ATRNL1: variants seen among roughly 807,000 people sequenced by gnomAD.
ATRNL1 encodes attractin-like protein 1.
A neutral mutation model predicts 182.7 loss-of-function variants in ATRNL1; 95 were observed. That is an observed-to-expected ratio of 0.52 (90% CI 0.44 to 0.62). ATRNL1 has a LOEUF of 0.62. Ranked by LOEUF, ATRNL1 falls within the 20% of genes least tolerant of loss-of-function variation. ATRNL1 has a pLI of 0.00. For missense variants in ATRNL1, 1,471 were observed against 1,679.5 expected, an observed-to-expected ratio of 0.88 and a Z score of 2.17; for synonymous variants, 576 against 568.3, an observed-to-expected ratio of 1.01 and a Z score of -0.19.
At chr10:115,811,975 C>T (rs2134258687) in intron 27 of ATRNL1, among the ~76,000 whole-genome samples, 2 of 152,084 alleles carry the variant, frequency 1.3e-5, no homozygotes, top group Middle Eastern at 6.8e-3. Flanking sequence ...TGTGTATATA[C>T]CTATTTTTAA....
In ATRNL1 at chr10:115,129,347, A is replaced by G. The variant is rs1042251614; in HGVS notation, c.641A>G (p.Asn214Ser). The change falls in exon 5 of 29, where the codon AAT becomes AGT. Residue 214 changes from asparagine to serine, a missense_variant. Coordinates refer to ENST00000355044, the MANE Select transcript of ATRNL1 (RefSeq NM_207303.4). ...TACAGAATCAATTCTTGTCCTAACA[A>G]TTGCTCTGGTCATGGGAAGTGTACA... Reference protein sequence around the residue: ...IFYSINSCPNNCSGHGKCTTS... With the variant: ...IFYSINSCPNSCSGHGKCTTS... The G allele has an allele frequency of 1.9e-6, 3 of 1,612,774 alleles. No homozygotes were observed. Among genetic ancestry groups the G allele is most frequent in the African/African-American group, 1.3e-5 (1 of 74,902 alleles).
intron 9 of ATRNL1, among the ~76,000 whole-genome samples, chr10:115,216,767 T>G (rs1392079498): frequency 6.6e-6 from 1 of 151,942 alleles, no homozygotes; most frequent in Non-Finnish European, 1.5e-5. Context: ...ATACACAGGT[T>G]TCCATCAAAT....
chr10:115,401,438 A>G (rs1844559673), intron 20 of ATRNL1, among the ~76,000 whole-genome samples: 1 of 152,086 alleles, frequency 6.6e-6, no homozygotes, highest in Admixed American at 6.6e-5. Context: ...TTCATTCTGG[A>G]CCCAGTCAAG....
intron 24 of ATRNL1, among the ~76,000 whole-genome samples, chr10:115,516,778 A>G (rs118189483): frequency 0.012 from 1,777 of 151,972 alleles, 20 homozygotes; most frequent in Non-Finnish European, 0.018. Context: ...ACCTCTACCA[A>G]CAGATATTTG....
chr10:115,403,424 A>T (rs782246041), intron 20 of ATRNL1, among the ~76,000 whole-genome samples: 1 of 152,040 alleles, frequency 6.6e-6, no homozygotes, highest in Non-Finnish European at 1.5e-5. Context: ...ATAAGTAACT[A>T]GTGACTATGG....
intron 28 of ATRNL1, among the ~76,000 whole-genome samples, chr10:115,915,232 C>T (rs1221056056): frequency 6.6e-6 from 1 of 151,986 alleles, no homozygotes; most frequent in Non-Finnish European, 1.5e-5. Context: ...CCCGTCTCTA[C>T]TAAAAATACA....
At chr10:115,445,601 A>G (rs1160049859) in intron 21 of ATRNL1, among the ~76,000 whole-genome samples, 1 of 151,176 alleles carries the variant, frequency 6.6e-6, no homozygotes, top group Non-Finnish European at 1.5e-5. Flanking sequence ...TTTTTTAACA[A>G]TAACTTCATA....
intron 26 of ATRNL1, among the ~76,000 whole-genome samples, chr10:115,636,379 G>A (rs782172061): frequency 1.1e-4 from 16 of 152,126 alleles, no homozygotes; most frequent in Non-Finnish European, 1.5e-4. Flanking sequence ...TTCTTCCCAG[G>A]TAACACCAGT....
At chr10:115,666,349 G>A (rs1374376649) in intron 26 of ATRNL1, among the ~76,000 whole-genome samples, 1 of 152,036 alleles carries the variant, frequency 6.6e-6, no homozygotes, top group Non-Finnish European at 1.5e-5. Flanking sequence ...GCTTTTATGT[G>A]TTTGTTTATG....
At chr10:115,631,851 G>A (rs137943027) in intron 26 of ATRNL1, among the ~76,000 whole-genome samples, 299 of 152,164 alleles carry the variant, frequency 2.0e-3, no homozygotes, top group African/African-American at 6.8e-3. Flanking sequence ...CTAGGACTGA[G>A]CTGTGAATAG....
At chr10:115,311,543 TCTTG>T (rs576042542) in intron 17 of ATRNL1, among the ~76,000 whole-genome samples, 3,460 of 152,306 alleles carry the variant, frequency 0.023, 48 homozygotes, top group South Asian at 0.036. Context: ...ATATGGTCTA[TCTTG>T]GAAAATATTC....
chr10:115,448,839 G>A (rs782444682), intron 21 of ATRNL1, among the ~76,000 whole-genome samples: 4 of 150,186 alleles, frequency 2.7e-5, no homozygotes, highest in Admixed American at 2.0e-4. Flanking sequence ...TTGCTCCAAT[G>A]TAATAGCGTG....
At chr10:115,496,394 TTGC>T (rs1278861687) in intron 24 of ATRNL1, among the ~76,000 whole-genome samples, 2 of 152,332 alleles carry the variant, frequency 1.3e-5, no homozygotes, top group Admixed American at 1.3e-4. Flanking sequence ...ATTCCGTTAT[TTGC>T]TTGTGTGAAA....
chr10:115,680,187 T>C (rs1946003259), intron 26 of ATRNL1, among the ~76,000 whole-genome samples: 1 of 152,166 alleles, frequency 6.6e-6, no homozygotes, highest in Non-Finnish European at 1.5e-5. Flanking sequence ...TATGCTGTGA[T>C]GGCAAATTAA....
chr10:115,888,332 C>G (rs1302411163), intron 28 of ATRNL1, among the ~76,000 whole-genome samples: 1 of 152,188 alleles, frequency 6.6e-6, no homozygotes, highest in Non-Finnish European at 1.5e-5. Flanking sequence ...ACTCAACATT[C>G]ATTTTTGATG....
At chr10:115,267,960 G>C (rs1851677739) in intron 12 of ATRNL1, among the ~76,000 whole-genome samples, 1 of 151,968 alleles carries the variant, frequency 6.6e-6, no homozygotes, top group East Asian at 1.9e-4. Flanking sequence ...TGGGTTTTGT[G>C]ATGTTGGCCA....
At chr10:115,849,851 A>G (rs1951014390) in intron 28 of ATRNL1, among the ~76,000 whole-genome samples, 1 of 152,190 alleles carries the variant, frequency 6.6e-6, no homozygotes, top group African/African-American at 2.4e-5. Context: ...TTTGTAGCAG[A>G]AAGCCTCTCT....
At chr10:115,707,958 T>A (rs1477307033) in intron 26 of ATRNL1, among the ~76,000 whole-genome samples, 1 of 151,738 alleles carries the variant, frequency 6.6e-6, no homozygotes, top group Non-Finnish European at 1.5e-5. Flanking sequence ...TTAATACTCT[T>A]GCCAAAGTGC....
intron 25 of ATRNL1, among the ~76,000 whole-genome samples, chr10:115,520,837 C>A (rs557110178): frequency 6.6e-6 from 1 of 152,206 alleles, no homozygotes; most frequent in South Asian, 2.1e-4. Context: ...GAAACCTTTG[C>A]CATATTGGTC....
Sources: gnomAD v4.1 joint callset for allele counts (sites outside exome capture counted in the v4.1 genomes callset) on GRCh38, gnomAD v4.1.1 for gene constraint, MANE v1.5 for transcripts, NCBI Gene and HGNC (gene_info 2026-07-23, HGNC 2026-07-21) for gene names.